Variants in TSGA10 observed in about 807,000 individuals in gnomAD.
TSGA10 encodes testis-specific gene 10 protein.
Under a neutral mutation model 96.6 loss-of-function variants are expected in TSGA10, and 43 were observed. The observed-to-expected ratio is 0.44, with a 90% CI of 0.35 to 0.57. The LOEUF is 0.57. Ranked by LOEUF, TSGA10 falls within the 20% of genes least tolerant of loss-of-function variation. The probability of loss-of-function intolerance (pLI) is 0.01; values close to 1 mark genes in which losing one functional copy is unlikely to be tolerated. For synonymous variants in TSGA10, 229 were observed against 269.9 expected (o/e 0.85, Z 1.48); for missense variants, 703 against 834.4 (o/e 0.84, Z 1.94).
chr2:99,074,728 A>T (rs1332689363), intron 12 of TSGA10, among the ~76,000 whole-genome samples: 3 of 152,128 alleles, frequency 2.0e-5, no homozygotes, highest in Admixed American at 2.0e-4. Context: ...TGAGAGGGTG[A>T]GGCAGGCGGA....
chr2:99,143,133 CTTTTTTTTTTTTT>C (rs10605521), intron 1 of TSGA10, among the ~76,000 whole-genome samples: 4 of 82,154 alleles, frequency 4.9e-5, no homozygotes, highest in Admixed American at 1.6e-4. Context: ...CCAACTAAAC[CTTTTTTTTTTTTT>C]TTTTTTTTTT....
chr2:99,127,205 A>T (rs1453343253), intron 1 of TSGA10, 29 bp from the exon 2 acceptor site: 1 of 1,246,262 alleles, frequency 8.0e-7, no homozygotes, highest in Admixed American at 2.9e-5. Context: ...AATAATACAG[A>T]GGCATTCAGT....
At chr2:99,001,899 A>G (rs1317458017) in intron 20 of TSGA10, among the ~76,000 whole-genome samples, 1 of 152,222 alleles carries the variant, frequency 6.6e-6, no homozygotes, top group Non-Finnish European at 1.5e-5. Context: ...ATTGAAGATC[A>G]AATGAATGAA....
chr2:99,113,607 G>A (rs1047327829), intron 4 of TSGA10, among the ~76,000 whole-genome samples: 1 of 152,294 alleles, frequency 6.6e-6, no homozygotes, highest in South Asian at 2.1e-4. Context: ...GCGCAGTGGC[G>A]TGATCTCGGC....
In TSGA10 at chr2:99,045,481, C is replaced by A. The variant is rs545396664; in HGVS notation, c.1405-10042G>T. ...ACGCAGAATTTCATATCCAGCCAAA[C>A]CAAGCTTCAAAAGTGAAGGAGAAAT... On this transcript the variant is annotated intron_variant, in intron 16 of 20. Transcript: ENST00000393483. 2.3e-4 allele frequency among the ~76,000 whole-genome samples: 35 copies of A among 152,206 alleles called. No homozygotes were observed. In the South Asian group the frequency reaches 6.8e-3, roughly 30 times the overall value.
Position 99,150,640 on chromosome 2 carries a change from G to C in TSGA10, c.-621+4053C>G, listed in dbSNP as rs766935435. 20 of 1,613,922 alleles carry C rather than the reference G, an allele frequency of 1.2e-5. No homozygotes were observed. The African/African-American group carries it at 2.4e-4, about 19-fold the overall frequency. ...AAAAGTGGATGATCACTTAATACGA[G>C]GGACTGAAAAAAGCAGGTTGGAACC... On this transcript the variant is annotated intron_variant, in intron 1 of 20. Transcript: ENST00000393483.
intron 20 of TSGA10, among the ~76,000 whole-genome samples, chr2:99,012,741 C>T (rs575925302): frequency 1.5e-4 from 23 of 152,222 alleles, no homozygotes; most frequent in African/African-American, 5.3e-4. Context: ...TGGGAGACTT[C>T]AATACTCCAC....
At chr2:99,044,679 G>C (rs997124318) in intron 16 of TSGA10, among the ~76,000 whole-genome samples, 3 of 151,970 alleles carry the variant, frequency 2.0e-5, no homozygotes, top group Non-Finnish European at 2.9e-5. Context: ...TGGACCAAGC[G>C]GACCAGGCAG....
chr2:99,022,744 C>T (rs931150833), intron 17 of TSGA10, among the ~76,000 whole-genome samples: 2 of 152,078 alleles, frequency 1.3e-5, no homozygotes, highest in African/African-American at 4.8e-5. Flanking sequence ...TAATTTTTAA[C>T]ATTTTGAGGA....
At chr2:99,102,635 G>C (rs1341891349) in intron 10 of TSGA10, 18 of 1,613,964 alleles carry the variant, frequency 1.1e-5, no homozygotes, top group Non-Finnish European at 1.5e-5. Flanking sequence ...GGCCTGAACT[G>C]CTTGAGTCAG....
chr2:99,084,320 T>C (rs1387380795), intron 10 of TSGA10, among the ~76,000 whole-genome samples: 4 of 152,208 alleles, frequency 2.6e-5, no homozygotes, highest in South Asian at 4.1e-4. Flanking sequence ...GGGGAAGAGA[T>C]GACTGGATCA....
At chr2:99,037,901 T>A (rs1317752200) in intron 16 of TSGA10, among the ~76,000 whole-genome samples, 1 of 151,960 alleles carries the variant, frequency 6.6e-6, no homozygotes, top group African/African-American at 2.4e-5. Flanking sequence ...TTAAGATCTG[T>A]GAGGCAAAAG....
chr2:99,091,648 T>C (rs1303029676), intron 10 of TSGA10, among the ~76,000 whole-genome samples: 3 of 151,838 alleles, frequency 2.0e-5, no homozygotes, highest in Non-Finnish European at 4.4e-5. Flanking sequence ...CAAGCAAGAG[T>C]AGCTATTCTT....
At chr2:99,140,520 T>C (rs180791877) in intron 1 of TSGA10, among the ~76,000 whole-genome samples, 13 of 152,268 alleles carry the variant, frequency 8.5e-5, no homozygotes, top group Middle Eastern at 3.4e-3. Context: ...TTCTGTGAGT[T>C]TTTAGGTATC....
In TSGA10 at chr2:99,149,789, T is replaced by C. The variant is rs1261030576; in HGVS notation, c.-621+4904A>G. On this transcript the variant is annotated intron_variant, in intron 1 of 20. Coordinates refer to ENST00000393483, the MANE Select transcript of TSGA10 (RefSeq NM_025244.4). ...GACATCCTTAATCACAAGTATCTTT[T>C]TTTTTTTTTTTTTTTTTTTTAAGAC... Among the ~76,000 whole-genome samples, 11 of 137,522 alleles carry C rather than the reference T, an allele frequency of 8.0e-5. 1 individual carries two copies. The highest frequency in any genetic ancestry group is 1.4e-4 in the Non-Finnish European group (9 of 62,292). 90.2% of individuals were successfully genotyped at this position (137,522 alleles called of 152,430 possible). A position where few individuals can be genotyped will look rare whatever the true frequency, so the allele number is the denominator to read the frequency against.
chr2:99,034,406 T>TA (rs942555834), intron 17 of TSGA10, among the ~76,000 whole-genome samples: 10 of 151,602 alleles, frequency 6.6e-5, no homozygotes, highest in Middle Eastern at 3.4e-3. Context: ...ATCTCAAAAA[T>TA]AAAAAAAATA....
intron 20 of TSGA10, among the ~76,000 whole-genome samples, chr2:99,006,025 A>G (rs2078435723): frequency 6.6e-6 from 1 of 152,024 alleles, no homozygotes; most frequent in South Asian, 2.1e-4. Flanking sequence ...CAAACCTGAC[A>G]AAAACAAGAA....
chr2:99,012,410 C>T (rs2079079377), intron 20 of TSGA10, among the ~76,000 whole-genome samples: 1 of 152,108 alleles, frequency 6.6e-6, no homozygotes, highest in African/African-American at 2.4e-5. Flanking sequence ...TAAAAATTCA[C>T]TGACTAAGTA....
chr2:99,119,335 A>C (rs1304661363), intron 2 of TSGA10, among the ~76,000 whole-genome samples: 1 of 152,076 alleles, frequency 6.6e-6, no homozygotes, highest in Non-Finnish European at 1.5e-5. Flanking sequence ...CTGCTCTCAA[A>C]AATTCTTCGA....
Sources: allele counts gnomAD v4.1 joint callset (sites outside exome capture counted in the v4.1 genomes callset), GRCh38; gene constraint gnomAD v4.1.1; transcripts MANE v1.5; gene names NCBI Gene and HGNC (gene_info 2026-07-23, HGNC 2026-07-21).